The following NRXN3 variants were observed in gnomAD, a reference collection of about 807,000 sequenced individuals.
NRXN3 encodes the protein neurexin 3.
NRXN3 carries 32 observed loss-of-function variants against 137.6 expected under a neutral mutation model. The observed-to-expected ratio is 0.23, with a 90% CI of 0.18 to 0.31. NRXN3 has a LOEUF of 0.31. NRXN3 is among the 10% of genes least tolerant of loss of function. The probability of loss-of-function intolerance (pLI) is 1.00; values close to 1 mark genes in which losing one functional copy is unlikely to be tolerated. For missense variants in NRXN3, 1,574 were observed against 2,062.5 expected, an observed-to-expected ratio of 0.76 and a Z score of 4.59; for synonymous variants, 798 against 784.5, an observed-to-expected ratio of 1.02 and a Z score of -0.29.
At position 79,486,931 on chromosome 14, in the gene NRXN3, CTCTCTCTCTCTCTCT is replaced by C. The variant is rs1601028023; in HGVS notation, c.3444+19530_3444+19544del. 7.1e-5 allele frequency among the ~76,000 whole-genome samples: 10 copies of C among 140,160 alleles called. No individual in the cohort carries two copies. The East Asian group carries it at 2.0e-3, about 28-fold the overall frequency. The allele number at this position is 140,160 out of a possible 152,430, so 92.0% of individuals were successfully genotyped here. A position where few individuals can be genotyped will look rare whatever the true frequency, so the allele number is the denominator to read the frequency against. On this transcript the variant is annotated intron_variant, in intron 16 of 20. Transcript: ENST00000335750. ...TTACAGGTTCTCTCTCTCTCTCTCT[CTCTCTCTCTCTCTCT>C]CTCTCTCTCTCTCTCCCACACACAC...
chr14:79,424,053 A>G (rs2153538302), intron 15 of NRXN3, among the ~76,000 whole-genome samples: 1 of 152,292 alleles, frequency 6.6e-6, no homozygotes, highest in Admixed American at 6.5e-5. Flanking sequence ...CAGAAAATGA[A>G]TTCATTAGAA....
chr14:79,396,301 T>C (rs2095024619), intron 15 of NRXN3, among the ~76,000 whole-genome samples: 1 of 152,162 alleles, frequency 6.6e-6, no homozygotes, highest in Admixed American at 6.5e-5. Context: ...TGCTAGTATG[T>C]GTGAAAGATA....
chr14:79,685,866 T>C (rs936747018), intron 17 of NRXN3, among the ~76,000 whole-genome samples: 2 of 152,200 alleles, frequency 1.3e-5, no homozygotes, highest in African/African-American at 4.8e-5. Context: ...TTAACATGTA[T>C]GCACAAAACA....
intron 10 of NRXN3, among the ~76,000 whole-genome samples, chr14:78,932,544 ACTC>A (rs2099325229): frequency 1.3e-5 from 2 of 152,124 alleles, no homozygotes; most frequent in Admixed American, 1.3e-4. Flanking sequence ...GAATGATACA[ACTC>A]CTGCAAAAAG....
intron 10 of NRXN3, among the ~76,000 whole-genome samples, chr14:78,931,866 G>C (rs774186298): frequency 6.6e-6 from 1 of 152,094 alleles, no homozygotes; most frequent in African/African-American, 2.4e-5. Flanking sequence ...GCCAAGGAAG[G>C]CTGGGCGCGG....
At chr14:78,644,812 A>G (rs2152573344) in intron 4 of NRXN3, among the ~76,000 whole-genome samples, 1 of 152,344 alleles carries the variant, frequency 6.6e-6, no homozygotes, top group Non-Finnish European at 1.5e-5. Flanking sequence ...GCCTCACTTG[A>G]TCATTTTGCA....
chr14:79,252,597 G>A (rs954630095), intron 15 of NRXN3, among the ~76,000 whole-genome samples: 3 of 152,036 alleles, frequency 2.0e-5, no homozygotes, highest in African/African-American at 4.8e-5. Flanking sequence ...AGGTGGGTAG[G>A]GATAGTACTT....
At chr14:78,428,071 A>G (rs1420006589) in intron 4 of NRXN3, among the ~76,000 whole-genome samples, 1 of 152,274 alleles carries the variant, frequency 6.6e-6, no homozygotes, top group African/African-American at 2.4e-5. Context: ...GTTTAAAAAT[A>G]TAAGATAATA....
At chr14:79,133,740 A>G (rs1313065397) in intron 15 of NRXN3, among the ~76,000 whole-genome samples, 2 of 151,910 alleles carry the variant, frequency 1.3e-5, no homozygotes, top group South Asian at 2.1e-4. Context: ...CCTGGCTAAC[A>G]TGGTGAAATC....
At chr14:78,740,907 T>G (rs2098566070) in intron 8 of NRXN3, among the ~76,000 whole-genome samples, 1 of 152,198 alleles carries the variant, frequency 6.6e-6, no homozygotes, top group African/African-American at 2.4e-5. Flanking sequence ...TTTTGTCAAA[T>G]AAAACAATGT....
At position 79,005,329 on chromosome 14, in the gene NRXN3, T is replaced by C. The variant is rs115134537; in HGVS notation, c.3262+17188T>C. ...GTACTTGGCAATTACTTCCTGTAAA[T>C]CCATATCCTCTTACCTTAGCAATGC... On this transcript the variant is annotated intron_variant, in intron 15 of 20. Transcript: ENST00000335750. Among the ~76,000 whole-genome samples, 844 of 152,324 alleles carry C rather than the reference T, an allele frequency of 5.5e-3. 7 individuals carry two copies. The highest frequency in any genetic ancestry group is 0.019 in the African/African-American group (801 of 41,584).
intron 4 of NRXN3, among the ~76,000 whole-genome samples, chr14:78,531,606 A>C (rs1056421373): frequency 4.2e-5 from 6 of 144,288 alleles, no homozygotes; most frequent in African/African-American, 1.5e-4. Context: ...ACTGAATCAG[A>C]GTATCATTTC....
chr14:78,173,725 G>A (rs867649333), intron 1 of NRXN3, among the ~76,000 whole-genome samples: 1 of 9,954 alleles, frequency 1.0e-4, no homozygotes, highest in Non-Finnish European at 2.0e-4. Flanking sequence ...TTTTTTTTTT[G>A]CAACACAACA....
chr14:79,067,500 C>A (rs2099682243), intron 15 of NRXN3, among the ~76,000 whole-genome samples: 1 of 152,028 alleles, frequency 6.6e-6, no homozygotes, highest in Non-Finnish European at 1.5e-5. Flanking sequence ...AGGGAGGAGT[C>A]CCTCCTCTTC....
At chr14:78,596,448 G>A (rs184238531) in intron 4 of NRXN3, among the ~76,000 whole-genome samples, 24 of 152,272 alleles carry the variant, frequency 1.6e-4, no homozygotes, top group Non-Finnish European at 2.8e-4. Context: ...AAATGGAGGT[G>A]AAAATACCTC....
chr14:79,317,099 G>T (rs1259062617), intron 15 of NRXN3, among the ~76,000 whole-genome samples: 1 of 152,006 alleles, frequency 6.6e-6, no homozygotes, highest in Non-Finnish European at 1.5e-5. Context: ...GGGCGTGGTG[G>T]TGGGTGCCTG....
In NRXN3 at chr14:78,407,623, C is replaced by T. The variant is rs74611025; in HGVS notation, c.757+109763C>T. Among the ~76,000 whole-genome samples the T allele has an allele frequency of 6.3e-3, 955 of 152,300 alleles. 10 individuals carry two copies. The highest frequency in any genetic ancestry group is 0.022 in the African/African-American group (895 of 41,546). On this transcript the variant is annotated intron_variant, in intron 4 of 20. Transcript: ENST00000335750. ...TTTGAGCCCTGTGCTGAAATCACCT[C>T]TCAAGCTTTCCTCTATCCAGGCTCT...
chr14:78,533,043 T>G (rs1395001503), intron 4 of NRXN3, among the ~76,000 whole-genome samples: 1 of 151,948 alleles, frequency 6.6e-6, no homozygotes. Flanking sequence ...TTGTTGTTTC[T>G]TACTATGCCA....
intron 18 of NRXN3, among the ~76,000 whole-genome samples, chr14:79,696,085 C>T (rs551089174): frequency 6.6e-6 from 1 of 152,076 alleles, no homozygotes; most frequent in South Asian, 2.1e-4. Flanking sequence ...ATCCTCTGAT[C>T]GGATGAGCAT....
Sources: gnomAD v4.1 joint callset for allele counts (sites outside exome capture counted in the v4.1 genomes callset) on GRCh38, gnomAD v4.1.1 for gene constraint, MANE v1.5 for transcripts, NCBI Gene and HGNC (gene_info 2026-07-23, HGNC 2026-07-21) for gene names.